The following DAB1 variants were observed in gnomAD, a reference collection of about 807,000 sequenced individuals.
DAB1 encodes DAB adaptor protein 1.
DAB1 carries 15 observed loss-of-function variants against 64.6 expected under a neutral mutation model. The ratio of observed to expected loss-of-function variants is 0.23; its 90% CI spans 0.16 to 0.36. DAB1 has a LOEUF of 0.36. DAB1 is among the 10% of genes least tolerant of loss of function. The pLI is 1.00. For synonymous variants in DAB1, 235 were observed against 251.9 expected, an observed-to-expected ratio of 0.93 and a Z score of 0.64; for missense variants, 596 against 706.7, an observed-to-expected ratio of 0.84 and a Z score of 1.78.
At chr1:57,614,873 T>A (rs1193395185) in intron 7 of DAB1, among the ~76,000 whole-genome samples, 2 of 139,086 alleles carry the variant, frequency 1.4e-5, no homozygotes, top group Non-Finnish European at 3.1e-5. Flanking sequence ...TCTTTCTTTT[T>A]TTTTTTTTTT....
intron 6 of DAB1, among the ~76,000 whole-genome samples, chr1:57,745,179 G>A (rs542946782): frequency 6.6e-5 from 10 of 152,160 alleles, no homozygotes; most frequent in South Asian, 2.1e-4. Flanking sequence ...AAGTAAACTC[G>A]TGGCAGGGAG....
At chr1:58,388,747 A>C (rs1482917450) in intron 3 of DAB1, among the ~76,000 whole-genome samples, 2 of 152,242 alleles carry the variant, frequency 1.3e-5, no homozygotes, top group African/African-American at 2.4e-5. Context: ...GAAGTGTTAC[A>C]GTGCATTCTC....
At chr1:57,175,988 T>C (rs751981179) in intron 2 of DAB1, among the ~76,000 whole-genome samples, 6 of 152,180 alleles carry the variant, frequency 3.9e-5, no homozygotes, top group Admixed American at 1.3e-4. Flanking sequence ...GCAGACTTTG[T>C]TATATTATAG....
chr1:57,626,443 A>G (rs1645924358), intron 7 of DAB1, among the ~76,000 whole-genome samples: 1 of 152,232 alleles, frequency 6.6e-6, no homozygotes, highest in Admixed American at 6.5e-5. Context: ...TGAGATGTCT[A>G]GAGATCTAAC....
chr1:57,932,876 G>A (rs764711545), intron 5 of DAB1, among the ~76,000 whole-genome samples: 7 of 152,268 alleles, frequency 4.6e-5, no homozygotes, highest in Middle Eastern at 3.4e-3. Context: ...TTGGGGATTG[G>A]AATTGAGTAT....
chr1:58,005,596 G>A (rs746213686), intron 5 of DAB1, among the ~76,000 whole-genome samples: 9 of 130,992 alleles, frequency 6.9e-5, no homozygotes, highest in Admixed American at 1.6e-4. Flanking sequence ...GGCTCTGTGC[G>A]CCTGCCTTGG....
chr1:57,796,243 C>T (rs1444762327), intron 6 of DAB1, among the ~76,000 whole-genome samples: 1 of 152,008 alleles, frequency 6.6e-6, no homozygotes, highest in Non-Finnish European at 1.5e-5. Flanking sequence ...AAATAATAAT[C>T]CTGGCTGGGC....
chr1:58,377,256 T>C (rs1207859289), intron 3 of DAB1, among the ~76,000 whole-genome samples: 3 of 148,724 alleles, frequency 2.0e-5, no homozygotes, highest in Non-Finnish European at 4.5e-5. Context: ...CGTTAGTTGA[T>C]GCAGTTTCTT....
Position 58,323,096 on chromosome 1 carries a change from G to A in DAB1, n.309+20256C>T, listed in dbSNP as rs535071986. ...CACACATGCGTTCCTATTGTGGGGTGGGGGGCAGGGGGAGGGATAGCAGTA... is the reference window on the plus strand; with the variant it reads ...CACACATGCGTTCCTATTGTGGGGTAGGGGGCAGGGGGAGGGATAGCAGTA... On this transcript the variant is annotated intron_variant and non_coding_transcript_variant, in intron 4 of 20. Transcript: ENST00000485760. Among the ~76,000 whole-genome samples the A allele has an allele frequency of 2.0e-5, 3 of 151,800 alleles. 1 individual carries two copies. Among genetic ancestry groups the A allele is most frequent in the African/African-American group, 2.4e-5 (1 of 41,344 alleles).
chr1:57,341,143 T>C (rs540446258), intron 1 of DAB1, among the ~76,000 whole-genome samples: 60 of 152,256 alleles, frequency 3.9e-4, no homozygotes, highest in Middle Eastern at 6.8e-3. Context: ...GCTACATGGC[T>C]GGTAAATGGC....
At chr1:58,545,026 C>T (rs1295433457) in intron 1 of DAB1, among the ~76,000 whole-genome samples, 3 of 152,132 alleles carry the variant, frequency 2.0e-5, no homozygotes, top group Admixed American at 6.5e-5. Context: ...TGAGCCACCA[C>T]GCCTGGACTT....
intron 7 of DAB1, among the ~76,000 whole-genome samples, chr1:57,609,179 C>G (rs1392763518): frequency 6.6e-6 from 1 of 151,974 alleles, no homozygotes; most frequent in African/African-American, 2.4e-5. Context: ...ATAATAAATA[C>G]AGTCAGTTCT....
intron 7 of DAB1, among the ~76,000 whole-genome samples, chr1:57,595,206 TA>T (rs1203427011): frequency 1.3e-5 from 2 of 150,022 alleles, no homozygotes; most frequent in Admixed American, 1.3e-4. Context: ...TAGAATTATT[TA>T]GAATAATTAT....
chr1:57,124,209 A>G (rs1003869635), intron 4 of DAB1, among the ~76,000 whole-genome samples: 1 of 152,252 alleles, frequency 6.6e-6, no homozygotes, highest in Non-Finnish European at 1.5e-5. Context: ...TTATTATTGT[A>G]TCAGATGAAG....
intron 2 of DAB1, among the ~76,000 whole-genome samples, chr1:58,523,979 C>G (rs951217544): frequency 8.5e-5 from 13 of 152,178 alleles, no homozygotes; most frequent in Non-Finnish European, 1.8e-4. Context: ...TGGAACCAAT[C>G]CAGAAAAAGC....
intron 1 of DAB1, among the ~76,000 whole-genome samples, chr1:57,839,404 A>AC (rs945387560): frequency 2.4e-4 from 37 of 152,216 alleles, no homozygotes; most frequent in African/African-American, 8.9e-4. Flanking sequence ...TTCTTCTCTG[A>AC]TTTTTCACCT....
At chr1:57,485,516 T>C (rs1430760822) in intron 7 of DAB1, among the ~76,000 whole-genome samples, 1 of 152,188 alleles carries the variant, frequency 6.6e-6, no homozygotes, top group Non-Finnish European at 1.5e-5. Context: ...CTGATGTCTG[T>C]TGTCATCCAC....
At chr1:57,117,105 T>C (rs1324247486) in intron 4 of DAB1, among the ~76,000 whole-genome samples, 2 of 152,144 alleles carry the variant, frequency 1.3e-5, no homozygotes, top group Non-Finnish European at 2.9e-5. Context: ...TCCAATTCTC[T>C]CTCCAATTAA....
rs190269347 is a variant in DAB1, at chr1:57,746,631, T to C, written n.552-96966A>G. On this transcript the variant is annotated intron_variant and non_coding_transcript_variant, in intron 6 of 20. Transcript: ENST00000485760. The stretch of plus-strand genomic sequence containing the variant: ...AAATGCTCAAATCCTTTATATAAAA[T>C]GGCAGAGTACTTGCATAAAAACTAT... Among the ~76,000 whole-genome samples the C allele has an allele frequency of 3.0e-3, 460 of 152,332 alleles. 3 individuals are homozygous for C. The highest frequency in any genetic ancestry group is 0.011 in the African/African-American group (439 of 41,576).
Sources: allele counts gnomAD v4.1 joint callset (sites outside exome capture counted in the v4.1 genomes callset), GRCh38; gene constraint gnomAD v4.1.1; transcripts MANE v1.5; gene names NCBI Gene and HGNC (gene_info 2026-07-23, HGNC 2026-07-21).